Variants in PIAS1 observed in about 807,000 individuals in gnomAD.
PIAS1 encodes the protein protein inhibitor of activated STAT 1, also known as E3 SUMO-protein ligase PIAS1.
In PIAS1, 6 loss-of-function variants were observed where a neutral mutation model predicts 71.3. The observed-to-expected ratio is 0.08, with a 90% CI of 0.05 to 0.17. The LOEUF is 0.17. Among genes scored for constraint, PIAS1 ranks in the 10% least tolerant of loss-of-function variants. The probability of loss-of-function intolerance (pLI) is 1.00; values close to 1 mark genes in which losing one functional copy is unlikely to be tolerated. For missense variants in PIAS1, 555 were observed against 793.6 expected, an observed-to-expected ratio of 0.70 and a Z score of 3.61; for synonymous variants, 303 against 292.9, an observed-to-expected ratio of 1.03 and a Z score of -0.35.
chr15:68,096,302 C>T (rs1471019537), intron 2 of PIAS1, among the ~76,000 whole-genome samples: 1 of 152,122 alleles, frequency 6.6e-6, no homozygotes, highest in Admixed American at 6.5e-5. Flanking sequence ...GTCTTTATGT[C>T]AAGACCACAC....
intron 6 of PIAS1, among the ~76,000 whole-genome samples, chr15:68,152,202 G>A (rs1166401036): frequency 6.6e-6 from 1 of 151,922 alleles, no homozygotes; most frequent in Non-Finnish European, 1.5e-5. Context: ...ACCCACCTCA[G>A]CCTCCCAAAG....
At chr15:68,055,512 C>T (rs554082417) in intron 1 of PIAS1, among the ~76,000 whole-genome samples, 148 of 152,116 alleles carry the variant, frequency 9.7e-4, no homozygotes, top group Non-Finnish European at 1.9e-3. Context: ...TGGTGGAACC[C>T]TTATGACTGG....
chr15:68,176,500 C>G lies in PIAS1; in HGVS notation c.1327C>G (p.Gln443Glu). Residue 443 changes from glutamine (Q) to glutamate (E), a missense_variant, in exon 11 of 14, where the codon CAG (glutamine) becomes GAG (glutamate). By Grantham distance (29) the Gln-to-Glu change is conservative (BLOSUM62 2). Coordinates refer to ENST00000249636, the MANE Select transcript of PIAS1 (RefSeq NM_016166.3). ...DGCLSSTLEH[Q>E]VASHHQSSNK... ...ATGCTTGAGCTCCACATTGGAGCAT[C>G]AGGTAGCGTCTCACCACCAGTCCTC... 6.2e-7 allele frequency: 1 copy of G among 1,606,230 alleles called. No homozygotes were observed. Among genetic ancestry groups the G allele is most frequent in the Non-Finnish European group, 8.5e-7 (1 of 1,177,078 alleles).
At chr15:68,177,718 A>G (rs1228611804) in intron 11 of PIAS1, among the ~76,000 whole-genome samples, 1 of 152,228 alleles carries the variant, frequency 6.6e-6, no homozygotes, top group Non-Finnish European at 1.5e-5. Context: ...CAAGTAGCAT[A>G]CTCCAACTAT....
chr15:68,181,492 A>T, intron 12 of PIAS1, 138 bp downstream of exon 12: 1 of 725,706 alleles, frequency 1.4e-6, no homozygotes, highest in Non-Finnish European at 2.2e-6. Context: ...TGAGAGAAAT[A>T]ATATGCCGTT....
chr15:68,157,722 T>C (rs1486038215), intron 7 of PIAS1, among the ~76,000 whole-genome samples: 1 of 152,146 alleles, frequency 6.6e-6, no homozygotes, highest in Non-Finnish European at 1.5e-5. Flanking sequence ...TTATCTTGGG[T>C]GCACTTTTCT....
intron 8 of PIAS1, among the ~76,000 whole-genome samples, chr15:68,166,226 T>G (rs2092956948): frequency 6.6e-5 from 10 of 152,082 alleles, no homozygotes; most frequent in Admixed American, 6.5e-4. Context: ...GTGAAAAATA[T>G]TTTGACTCCA....
chr15:68,068,743 G>T (rs186626462), intron 1 of PIAS1, among the ~76,000 whole-genome samples: 1 of 151,966 alleles, frequency 6.6e-6, no homozygotes, highest in Non-Finnish European at 1.5e-5. Context: ...ATGAGCCACC[G>T]CCCCTGCCCT....
At chr15:68,177,203 C>T (rs898731325) in intron 11 of PIAS1, among the ~76,000 whole-genome samples, 5 of 139,036 alleles carry the variant, frequency 3.6e-5, no homozygotes, top group Admixed American at 8.4e-5. Flanking sequence ...CGCTTGAACC[C>T]AGGAGGTGGA....
At position 68,062,070 on chromosome 15, in the gene PIAS1, C is replaced by G. The variant is rs527334309; in HGVS notation, c.24+7720C>G. On this transcript the variant is annotated intron_variant, in intron 1 of 13. Transcript: ENST00000249636. ...CTGATACTCTTGTCTATAAGACAAT[C>G]TAAATTGAAAATATTTTTAGGGTCA... Among the ~76,000 whole-genome samples, 39 of 152,304 alleles carry G rather than the reference C, an allele frequency of 2.6e-4. No homozygotes were observed. The East Asian group carries it at 6.4e-3, about 25-fold the overall frequency.
intron 2 of PIAS1, among the ~76,000 whole-genome samples, chr15:68,092,416 G>A (rs146993387): frequency 2.2e-4 from 33 of 152,158 alleles, no homozygotes; most frequent in Non-Finnish European, 3.2e-4. Flanking sequence ...AAAGCAGTCC[G>A]CTCACCTCAG....
chr15:68,081,144 A>G (rs557156536), intron 1 of PIAS1, among the ~76,000 whole-genome samples: 20 of 152,290 alleles, frequency 1.3e-4, no homozygotes, highest in South Asian at 4.1e-4. Flanking sequence ...GCGTACATAT[A>G]TATCTGTGTT....
intron 2 of PIAS1, among the ~76,000 whole-genome samples, chr15:68,101,723 G>A (rs1345815271): frequency 6.6e-6 from 1 of 152,032 alleles, no homozygotes; most frequent in African/African-American, 2.4e-5. Context: ...TTAGATTTGT[G>A]TTTTAGGTTT....
chr15:68,140,740 T>G (rs549166284), intron 2 of PIAS1, among the ~76,000 whole-genome samples: 60 of 152,178 alleles, frequency 3.9e-4, no homozygotes, highest in Non-Finnish European at 6.8e-4. Context: ...CTTGCAAGTA[T>G]GATCAAACTC....
chr15:68,124,523 A>G (rs2092636534), intron 2 of PIAS1, among the ~76,000 whole-genome samples: 1 of 151,666 alleles, frequency 6.6e-6, no homozygotes, highest in Non-Finnish European at 1.5e-5. Context: ...GGAGCTTGAG[A>G]CCAGTCTGGC....
At chr15:68,142,360 T>C (rs1176155655) in intron 4 of PIAS1, 23 bp downstream of exon 4, 1 of 1,531,574 alleles carries the variant, frequency 6.5e-7, no homozygotes, top group Non-Finnish European at 9.0e-7. Context: ...CTATAGGATA[T>C]ATTCAAAGTT....
chr15:68,140,077 C>T (rs2092760264), intron 2 of PIAS1, among the ~76,000 whole-genome samples: 1 of 152,084 alleles, frequency 6.6e-6, no homozygotes, highest in Non-Finnish European at 1.5e-5. Context: ...GTAGCAACCC[C>T]ATGAGCATTA....
At chr15:68,143,998 G>A (rs1595762773) in intron 4 of PIAS1, among the ~76,000 whole-genome samples, 1 of 151,878 alleles carries the variant, frequency 6.6e-6, no homozygotes, top group African/African-American at 2.4e-5. Context: ...ATTCTTTAAA[G>A]CAGCAACAGG....
chr15:68,173,652 T>G lies in PIAS1; in HGVS notation c.1009-80T>G, dbSNP rs528972421. 6 of 973,430 alleles carry G rather than the reference T, an allele frequency of 6.2e-6. No homozygotes were observed. The highest frequency in any genetic ancestry group is 8.8e-6 in the Non-Finnish European group (6 of 685,018). The allele number at this position is 973,430 out of a possible 1,614,324, so 60.3% of individuals were successfully genotyped here. A position where few individuals can be genotyped will look rare whatever the true frequency, so the allele number is the denominator to read the frequency against. On this transcript the variant is annotated intron_variant, in intron 8 of 13. Coordinates refer to ENST00000249636, the MANE Select transcript of PIAS1 (RefSeq NM_016166.3). This position sits in a 1 kb window ranked among gnomAD's most constrained non-coding sequence, Gnocchi z 4.3. ...TGCTTTAAATCAGCATGCCTACCTG[T>G]TGTGTTCTAGGAAATTTTTGTCAAA...
Sources: gnomAD v4.1 joint callset for allele counts (sites outside exome capture counted in the v4.1 genomes callset) on GRCh38, gnomAD v4.1.1 for gene constraint, Gnocchi (gnomAD v3.1) non-coding constraint, MANE v1.5 for transcripts, NCBI Gene and HGNC (gene_info 2026-07-23, HGNC 2026-07-21) for gene names.